FSCN1: variants seen among roughly 807,000 people sequenced by gnomAD.
The protein encoded by FSCN1 is fascin actin-bundling protein 1.
In FSCN1, 10 loss-of-function variants were observed where a neutral mutation model predicts 39.7. That is an observed-to-expected ratio of 0.25 (90% CI 0.16 to 0.43). The LOEUF is 0.43. Among genes scored for constraint, FSCN1 ranks in the 20% least tolerant of loss-of-function variants. The probability of loss-of-function intolerance (pLI) is 1.00; values close to 1 mark genes in which losing one functional copy is unlikely to be tolerated. For missense variants in FSCN1, 525 were observed against 723.8 expected, an observed-to-expected ratio of 0.73 and a Z score of 3.15; for synonymous variants, 322 against 320.0, an observed-to-expected ratio of 1.01 and a Z score of -0.07.
intron 1 of FSCN1, chr7:5,594,761 C>A (rs887566578): frequency 1.3e-5 from 2 of 152,218 alleles, no homozygotes; most frequent in African/African-American, 2.4e-5. Flanking sequence ...CGACCGAGGG[C>A]GGCTTCAGCG....
In FSCN1 at chr7:5,593,095, C is replaced by A. The variant is rs1212125090; in HGVS notation, c.159C>A (p.Asp53Glu). Residue 53 changes from aspartate to glutamate, a missense_variant, in exon 1 of 5, where the codon GAC becomes GAA. Physicochemically the swap from Asp to Glu is conservative, Grantham distance 45 (BLOSUM62 2). Around this residue, in one of 3 missense-constraint regions of FSCN1, gnomAD observed 246 missense variants for 350.6 expected, o/e 0.70. Coordinates refer to ENST00000382361, the MANE Select transcript of FSCN1 (RefSeq NM_003088.4). ...TCTGGACGCTGGAGCAGCCCCCTGA[C>A]GAGGCGGGCAGCGCGGCCGTGTGCC... ...KQIWTLEQPP[D>E]EAGSAAVCLR... The A allele has an allele frequency of 1.2e-6, 2 of 1,605,298 alleles. No individual in the cohort carries two copies. The highest frequency in any genetic ancestry group is 1.1e-5 in the South Asian group (1 of 90,004).
intron 1 of FSCN1, among the ~76,000 whole-genome samples, chr7:5,601,196 CCTTTTTT>C (rs1295620972): frequency 1.4e-5 from 2 of 143,282 alleles, no homozygotes; most frequent in Admixed American, 1.4e-4. Context: ...TTTCTTTCTT[CCTTTTTT>C]TTTTTTTTTT....
chr7:5,598,867 G>A (rs1412246673), intron 1 of FSCN1, among the ~76,000 whole-genome samples: 1 of 152,244 alleles, frequency 6.6e-6, no homozygotes, highest in Non-Finnish European at 1.5e-5. Flanking sequence ...TCTGTGGCCG[G>A]CACAGGCCAG....
In FSCN1 at chr7:5,603,457, C is replaced by T; in HGVS notation, c.990-39C>T. 6.2e-7 allele frequency: 1 copy of T among 1,614,032 alleles called. No homozygotes were observed. On this transcript the variant is annotated intron_variant, in intron 2 of 4. Coordinates refer to ENST00000382361, the MANE Select transcript of FSCN1 (RefSeq NM_003088.4). The surrounding 1 kb of genome is among the most constrained non-coding windows in gnomAD (Gnocchi z 8.5). ...CCTGTCACCGCCCCCACCACCTTGC[C>T]TGGGCTACCCCGCCTGACCCTGTCC...
Position 5,603,604 on chromosome 7 carries a change from G to T in FSCN1, c.1098G>T (p.Ser366=), listed in dbSNP as rs563571642. Residue 366 remains serine (S), a synonymous_variant, in exon 3 of 5, where the codon TCG becomes TCT. Transcript: ENST00000382361. The surrounding 1 kb of genome is among the most constrained non-coding windows in gnomAD (Gnocchi z 8.5). Reference sequence around the variant, plus strand: ...AGAAGAATGGGCAGCTGGCCGCCTCGGTGGAGACAGCAGGTAACACTAAAG... The same window carrying T: ...AGAAGAATGGGCAGCTGGCCGCCTCTGTGGAGACAGCAGGTAACACTAAAG... ...TSKKNGQLAA[S]VETAGDSELF... The T allele has an allele frequency of 1.9e-6, 3 of 1,614,078 alleles. No homozygotes were observed. Among genetic ancestry groups the T allele is most frequent in the Non-Finnish European group, 2.5e-6 (3 of 1,180,024 alleles).
Position 5,599,125 on chromosome 7 carries a change from G to GC in FSCN1, c.833-4132_833-4131insC, listed in dbSNP as rs1013337987. ...GGCCTTAGGATGGTCCCGGCACCCTGGGACCCAGCCCCTGCTCACCTTATC... is the reference window on the plus strand; with the variant it reads ...GGCCTTAGGATGGTCCCGGCACCCTGCGGACCCAGCCCCTGCTCACCTTATC... On this transcript the variant is annotated intron_variant, in intron 1 of 4. Transcript: ENST00000382361. The surrounding 1 kb of genome is among the most constrained non-coding windows in gnomAD (Gnocchi z 5.6). Among the ~76,000 whole-genome samples the GC allele has an allele frequency of 0.015, 1 of 66 alleles. No homozygotes were observed. The highest frequency in any genetic ancestry group is 0.042 in the Non-Finnish European group (1 of 24). The allele number at this position is 66 out of a possible 152,430, so 0.0% of individuals were successfully genotyped here. A position where few individuals can be genotyped will look rare whatever the true frequency, so the allele number is the denominator to read the frequency against.
At chr7:5,604,116 A>G (rs1785886032) in intron 4 of FSCN1, 86 bp downstream of exon 4, 10 of 1,294,504 alleles carry the variant, frequency 7.7e-6, no homozygotes, top group Middle Eastern at 2.2e-4. Context: ...CTCTGCATCC[A>G]CACTGGACCC....
chr7:5,593,792 C>T (rs772703950), intron 1 of FSCN1, 24 bp downstream of exon 1: 92 of 1,443,196 alleles, frequency 6.4e-5, no homozygotes, highest in Non-Finnish European at 1.1e-5. Flanking sequence ...CTGCCCCCGC[C>T]TCTCCTGGTC....
At position 5,603,518 on chromosome 7, in the gene FSCN1, A is replaced by G. The variant is rs1277424140; in HGVS notation, c.1012A>G (p.Ile338Val). 1 of 1,614,112 alleles carries G rather than the reference A, an allele frequency of 6.2e-7. No individual in the cohort carries two copies. The highest frequency in any genetic ancestry group is 1.7e-5 in the Admixed American group (1 of 60,012). ...CAGGAATGCCAGCTGCTACTTTGAC[A>G]TCGAGTGGCGTGACCGGCGCATCAC... Reference protein sequence around the residue: ...SSKNASCYFDIEWRDRRITLR... With the variant: ...SSKNASCYFDVEWRDRRITLR... The change falls in exon 3 of 5, where the codon ATC becomes GTC. Residue 338 changes from isoleucine (I) to valine (V), a missense_variant. Ile to Val is a conservative substitution (Grantham distance 29). Coordinates refer to ENST00000382361, the MANE Select transcript of FSCN1 (RefSeq NM_003088.4). The surrounding 1 kb of genome is among the most constrained non-coding windows in gnomAD (Gnocchi z 8.5).
At position 5,603,319 on chromosome 7, in the gene FSCN1, G is replaced by A. The variant is rs373803657; in HGVS notation, c.895G>A (p.Asp299Asn). 33 of 1,613,214 alleles carry A rather than the reference G, an allele frequency of 2.0e-5. No homozygotes were observed. In the Admixed American group the frequency reaches 3.7e-4, roughly 18 times the overall value. Residue 299 changes from aspartate to asparagine, a missense_variant, in exon 2 of 5, where the codon GAC becomes AAC. Coordinates refer to ENST00000382361, the MANE Select transcript of FSCN1 (RefSeq NM_003088.4). The surrounding 1 kb of genome is among the most constrained non-coding windows in gnomAD (Gnocchi z 8.5). ...TDQETFQLEIDRDTKKCAFRT... is the reference protein window; with the variant it reads ...TDQETFQLEINRDTKKCAFRT... ...CCAGGAGACCTTCCAGCTGGAGATCGACCGCGACACCAAAAAGTGTGCCTT... is the reference window on the plus strand; with the variant it reads ...CCAGGAGACCTTCCAGCTGGAGATCAACCGCGACACCAAAAAGTGTGCCTT...
intron 1 of FSCN1, among the ~76,000 whole-genome samples, chr7:5,599,000 C>T (rs1785779575): frequency 1.3e-5 from 2 of 152,204 alleles, no homozygotes; most frequent in South Asian, 2.1e-4. Context: ...CCTGCGGCTT[C>T]TGTGCAGTGG....
chr7:5,597,862 C>T (rs1171123286), intron 1 of FSCN1, among the ~76,000 whole-genome samples: 1 of 152,058 alleles, frequency 6.6e-6, no homozygotes, highest in Non-Finnish European at 1.5e-5. Flanking sequence ...TACCCGTGGG[C>T]CCGGCACAGG....
At chr7:5,604,092 C>A in intron 4 of FSCN1, 62 bp downstream of exon 4, 1 of 1,495,618 alleles carries the variant, frequency 6.7e-7, no homozygotes, top group Non-Finnish European at 9.2e-7. Context: ...GGGGTCAGTG[C>A]TGCGGGGAGC....
rs369817285 is a variant in FSCN1, at chr7:5,605,034, A to G, written c.1280-238A>G. ...GTGATCCGCCCACCTCAGCCTCCCA[A>G]AGTGCTGGGATTACAGGCGTGAGCC... is the stretch of plus-strand genomic sequence containing the variant. On this transcript the variant is annotated intron_variant, in intron 4 of 4. Coordinates refer to ENST00000382361, the MANE Select transcript of FSCN1 (RefSeq NM_003088.4). The surrounding 1 kb of genome is among the most constrained non-coding windows in gnomAD (Gnocchi z 6.9). Among the ~76,000 whole-genome samples the G allele has an allele frequency of 6.6e-6, 1 of 151,930 alleles. No individual in the cohort carries two copies. The highest frequency in any genetic ancestry group is 6.6e-5 in the Admixed American group (1 of 15,252).
At chr7:5,602,208 T>C (rs190435548) in intron 1 of FSCN1, among the ~76,000 whole-genome samples, 268 of 82,282 alleles carry the variant, frequency 3.3e-3, no homozygotes, top group African/African-American at 7.1e-3. Context: ...GCCTGGCCCC[T>C]TTTTTTTTTT....
At chr7:5,595,702 C>T (rs1389414110) in intron 1 of FSCN1, among the ~76,000 whole-genome samples, 1 of 152,102 alleles carries the variant, frequency 6.6e-6, no homozygotes, top group Non-Finnish European at 1.5e-5. Flanking sequence ...CCCAGTGTGG[C>T]TGGGAGGAAG....
intron 1 of FSCN1, among the ~76,000 whole-genome samples, chr7:5,600,459 C>T (rs1785804980): frequency 6.6e-6 from 1 of 152,088 alleles, no homozygotes; most frequent in Non-Finnish European, 1.5e-5. Flanking sequence ...GGAGCAAAAC[C>T]CGAAAGCCAC....
At position 5,605,318 on chromosome 7, in the gene FSCN1, C is replaced by T. The variant is rs764083681; in HGVS notation, c.1326C>T (p.Thr442=). The T allele has an allele frequency of 5.6e-6, 9 of 1,613,830 alleles. No homozygotes were observed. Among genetic ancestry groups the T allele is most frequent in the Non-Finnish European group, 7.6e-6 (9 of 1,179,772 alleles). The change falls in exon 5 of 5, where the codon ACC becomes ACT. Residue 442 remains threonine, a synonymous_variant. Coordinates refer to ENST00000382361, the MANE Select transcript of FSCN1 (RefSeq NM_003088.4). The surrounding 1 kb of genome is among the most constrained non-coding windows in gnomAD (Gnocchi z 6.9). ...YWTVGSDSAV[T]SSGDTPVDFF... ...CGGTGGGCAGTGACTCCGCGGTCAC[C>T]AGCAGCGGCGACACTCCTGTGGACT...
chr7:5,598,284 G>A (rs939237955), intron 1 of FSCN1, among the ~76,000 whole-genome samples: 1 of 152,258 alleles, frequency 6.6e-6, no homozygotes, highest in African/African-American at 2.4e-5. Context: ...ACCAGTTCCA[G>A]GATTGAACGC....
Sources: gnomAD v4.1 joint callset for allele counts (sites outside exome capture counted in the v4.1 genomes callset) on GRCh38, gnomAD v4.1.1 for gene constraint, gnomAD v4.1.1 regional missense constraint, Gnocchi (gnomAD v3.1) non-coding constraint, MANE v1.5 for transcripts, NCBI Gene and HGNC (gene_info 2026-07-23, HGNC 2026-07-21) for gene names.